MSRA: variants seen among roughly 807,000 people sequenced by gnomAD.
The protein encoded by MSRA is methionine sulfoxide reductase A.
In MSRA, 54 loss-of-function variants were observed where a neutral mutation model predicts 31.3. The ratio of observed to expected loss-of-function variants is 1.73; its 90% confidence interval spans 1.39 to 2.17. The LOEUF (loss-of-function observed/expected upper bound fraction) is 2.17. MSRA is among the 30% of genes most tolerant of loss of function. The pLI, the probability that MSRA is intolerant of heterozygous loss-of-function variation, is 0.00. For missense variants in MSRA, 507 were observed against 300.9 expected (o/e 1.69, Z -5.07); for synonymous variants, 169 against 116.5 (o/e 1.45, Z -2.90).
chr8:10,197,082 T>G (rs1808060313), intron 1 of MSRA, among the ~76,000 whole-genome samples: 2 of 152,224 alleles, frequency 1.3e-5, no homozygotes, highest in African/African-American at 4.8e-5. Context: ...GTCACAGGCA[T>G]CAGGCTGAAA....
chr8:10,398,295 A>G (rs1185100828), intron 5 of MSRA, among the ~76,000 whole-genome samples: 3 of 152,192 alleles, frequency 2.0e-5, no homozygotes, highest in Admixed American at 6.5e-5. Context: ...GCTTCTCTTC[A>G]TAGTGAAAGG....
chr8:10,360,052 T>G (rs1254727750), intron 5 of MSRA, among the ~76,000 whole-genome samples: 1 of 152,210 alleles, frequency 6.6e-6, no homozygotes, highest in South Asian at 2.1e-4. Context: ...CCTGGACATG[T>G]TCATTGAGAG....
chr8:10,296,087 G>T (rs768932370), intron 3 of MSRA, among the ~76,000 whole-genome samples: 4 of 152,194 alleles, frequency 2.6e-5, no homozygotes, highest in Non-Finnish European at 5.9e-5. Flanking sequence ...CATCAAAAGA[G>T]TGAGAATCTG....
chr8:10,133,862 G>C (rs372350691), intron 1 of MSRA, among the ~76,000 whole-genome samples: 2 of 152,040 alleles, frequency 1.3e-5, no homozygotes, highest in Admixed American at 6.6e-5. Flanking sequence ...ATGGAGTCTC[G>C]CTCTGTCGCC....
At chr8:10,351,725 C>T (rs1385101751) in intron 5 of MSRA, among the ~76,000 whole-genome samples, 1 of 152,200 alleles carries the variant, frequency 6.6e-6, no homozygotes, top group African/African-American at 2.4e-5. Context: ...AGATGGTTAT[C>T]CACAGTGAGA....
intron 5 of MSRA, among the ~76,000 whole-genome samples, chr8:10,405,059 A>G (rs1807717263): frequency 6.6e-6 from 1 of 152,106 alleles, no homozygotes; most frequent in Non-Finnish European, 1.5e-5. Flanking sequence ...GGTCTGGTGG[A>G]TGTCGGACAG....
intron 1 of MSRA, among the ~76,000 whole-genome samples, chr8:10,081,758 G>A (rs993524367): frequency 6.6e-6 from 1 of 152,134 alleles, no homozygotes; most frequent in African/African-American, 2.4e-5. Flanking sequence ...CCAAAGTCCC[G>A]GGAGATGGGA....
intron 5 of MSRA, among the ~76,000 whole-genome samples, chr8:10,366,951 A>G (rs1251596651): frequency 2.0e-5 from 3 of 152,128 alleles, no homozygotes; most frequent in Non-Finnish European, 4.4e-5. Context: ...GGGCCTTATA[A>G]TTAAGTAGTC....
At chr8:10,077,045 T>TTA (rs1554539668) in intron 1 of MSRA, among the ~76,000 whole-genome samples, 1 of 139,108 alleles carries the variant, frequency 7.2e-6, no homozygotes, top group African/African-American at 2.7e-5. Context: ...CCTCAGAACT[T>TTA]AAAAAAAAAA....
chr8:10,254,007 G>A lies in MSRA; in HGVS notation c.331+8784G>A, dbSNP rs139570994. 6.9e-3 allele frequency among the ~76,000 whole-genome samples: 1,055 copies of A among 152,278 alleles called. 13 individuals carry two copies. The highest frequency in any genetic ancestry group is 0.024 in the African/African-American group (991 of 41,526). ...CGGAGCGGCTTGGGAAGAGGTCACT[G>A]TTGTTTCCTGGGGCCGTGCCTCCGA... is the stretch of plus-strand genomic sequence containing the variant. On this transcript the variant is annotated intron_variant, in intron 3 of 5. Coordinates refer to ENST00000317173, the MANE Select transcript of MSRA (RefSeq NM_012331.5).
At chr8:10,118,691 G>T (rs1015321036) in intron 1 of MSRA, among the ~76,000 whole-genome samples, 1 of 152,124 alleles carries the variant, frequency 6.6e-6, no homozygotes, top group Non-Finnish European at 1.5e-5. Context: ...GGCACTTTCT[G>T]TTCTCTCCTC....
chr8:10,273,884 C>T (rs908532368), intron 3 of MSRA, among the ~76,000 whole-genome samples: 1 of 152,074 alleles, frequency 6.6e-6, no homozygotes, highest in African/African-American at 2.4e-5. Context: ...TTGGCACCTT[C>T]CTATCTGCGG....
chr8:10,405,091 C>T (rs1807720116), intron 5 of MSRA, among the ~76,000 whole-genome samples: 1 of 152,180 alleles, frequency 6.6e-6, no homozygotes, highest in East Asian at 1.9e-4. Context: ...GGCCACCGCT[C>T]CAGTGTCCAT....
intron 1 of MSRA, among the ~76,000 whole-genome samples, chr8:10,099,368 C>T (rs1234965529): frequency 2.6e-5 from 4 of 152,146 alleles, no homozygotes; most frequent in Non-Finnish European, 5.9e-5. Flanking sequence ...AGGACTTGCT[C>T]TGTGCCAGGC....
intron 5 of MSRA, among the ~76,000 whole-genome samples, chr8:10,402,934 C>T (rs1807555772): frequency 6.6e-6 from 1 of 152,196 alleles, no homozygotes; most frequent in African/African-American, 2.4e-5. Context: ...GAAACATACA[C>T]CATGCCTACC....
intron 1 of MSRA, among the ~76,000 whole-genome samples, chr8:10,059,560 G>A (rs1802589209): frequency 6.6e-6 from 1 of 152,138 alleles, no homozygotes; most frequent in Non-Finnish European, 1.5e-5. Context: ...TGGGTGTGAG[G>A]AAAGCCATGA....
chr8:10,287,876 A>G (rs1469260877), intron 3 of MSRA, among the ~76,000 whole-genome samples: 1 of 151,916 alleles, frequency 6.6e-6, no homozygotes, highest in Non-Finnish European at 1.5e-5. Flanking sequence ...CTCTGAGACT[A>G]CCCTTCTCCA....
intron 1 of MSRA, among the ~76,000 whole-genome samples, chr8:10,105,147 C>T (rs1424027163): frequency 1.3e-5 from 2 of 152,236 alleles, no homozygotes; most frequent in Middle Eastern, 3.4e-3. Context: ...TAATTTGTAT[C>T]ATATTAACTA....
intron 5 of MSRA, among the ~76,000 whole-genome samples, chr8:10,369,215 T>G (rs1359665325): frequency 6.6e-6 from 1 of 151,528 alleles, no homozygotes; most frequent in African/African-American, 2.4e-5. Context: ...ACCTTTTAAA[T>G]ACTGTTGAAT....
Sources: allele counts gnomAD v4.1 joint callset (sites outside exome capture counted in the v4.1 genomes callset), GRCh38; gene constraint gnomAD v4.1.1; transcripts MANE v1.5; gene names NCBI Gene and HGNC (gene_info 2026-07-23, HGNC 2026-07-21).